The following C1orf21 variants were observed in gnomAD, a reference collection of about 807,000 sequenced individuals.
The protein encoded by C1orf21 is uncharacterized protein C1orf21.
A neutral mutation model predicts 18.7 loss-of-function variants in C1orf21; 3 were observed. The observed-to-expected ratio is 0.16, with a 90% confidence interval of 0.07 to 0.42. C1orf21 has a LOEUF of 0.42. Among genes scored for constraint, C1orf21 ranks in the 10% least tolerant of loss-of-function variants. The pLI is 0.99. For synonymous variants in C1orf21, 41 were observed against 46.4 expected, an observed-to-expected ratio of 0.88 and a Z score of 0.47; for missense variants, 104 against 143.6, an observed-to-expected ratio of 0.72 and a Z score of 1.41.
chr1:184,543,424 G>C (rs565833318), intron 3 of C1orf21, among the ~76,000 whole-genome samples: 5 of 152,124 alleles, frequency 3.3e-5, no homozygotes, highest in African/African-American at 1.2e-4. Context: ...TCACTTATTC[G>C]TCATGTACCA....
chr1:184,454,534 G>A (rs972258008), intron 1 of C1orf21, among the ~76,000 whole-genome samples: 2 of 152,136 alleles, frequency 1.3e-5, no homozygotes, highest in African/African-American at 4.8e-5. Flanking sequence ...TGATGTTGGA[G>A]GTGGGGCCTG....
chr1:184,439,532 CAG>C (rs1656912549), intron 1 of C1orf21, among the ~76,000 whole-genome samples: 1 of 151,966 alleles, frequency 6.6e-6, no homozygotes, highest in Non-Finnish European at 1.5e-5. Flanking sequence ...CCAGAGAAGT[CAG>C]AGAGAACATT....
intron 3 of C1orf21, among the ~76,000 whole-genome samples, chr1:184,557,194 G>A (rs948340877): frequency 1.3e-5 from 2 of 152,072 alleles, no homozygotes; most frequent in African/African-American, 2.4e-5. Context: ...TGCCATTATT[G>A]TTCTTGTAGT....
chr1:184,491,946 A>G (rs1368853513), intron 2 of C1orf21, among the ~76,000 whole-genome samples: 1 of 152,248 alleles, frequency 6.6e-6, no homozygotes, highest in East Asian at 1.9e-4. Flanking sequence ...TCTCTTAGGA[A>G]GAGAAGGAAT....
At chr1:184,559,535 CTT>C (rs1447863104) in intron 3 of C1orf21, among the ~76,000 whole-genome samples, 38 of 128,134 alleles carry the variant, frequency 3.0e-4, no homozygotes, top group East Asian at 7.1e-4. Context: ...TCCTTCCTTC[CTT>C]CCTTCCTTCC....
At chr1:184,426,856 T>C (rs1236254799) in intron 1 of C1orf21, among the ~76,000 whole-genome samples, 2 of 152,186 alleles carry the variant, frequency 1.3e-5, no homozygotes, top group East Asian at 1.9e-4. Context: ...CATCTGATGA[T>C]GGCTGGATAA....
chr1:184,483,652 A>G (rs963105292), intron 2 of C1orf21, among the ~76,000 whole-genome samples: 3 of 152,064 alleles, frequency 2.0e-5, no homozygotes, highest in Admixed American at 6.6e-5. Context: ...CCATCACCCC[A>G]AGAACTGCAG....
chr1:184,486,068 C>G (rs1040812786), intron 2 of C1orf21, among the ~76,000 whole-genome samples: 2 of 152,142 alleles, frequency 1.3e-5, no homozygotes, highest in East Asian at 1.9e-4. Flanking sequence ...CTTAATGGCT[C>G]GAAGTGCACA....
chr1:184,399,782 T>G (rs1656119909), intron 1 of C1orf21, among the ~76,000 whole-genome samples: 1 of 152,172 alleles, frequency 6.6e-6, no homozygotes, highest in South Asian at 2.1e-4. Context: ...TAAAAAACAT[T>G]GATGCTATTG....
intron 1 of C1orf21, among the ~76,000 whole-genome samples, chr1:184,395,815 G>A (rs1420281520): frequency 3.3e-5 from 5 of 152,066 alleles, no homozygotes; most frequent in African/African-American, 7.2e-5. Context: ...CCCCAACATC[G>A]AGGAGTCATA....
At chr1:184,593,549 T>C (rs776812508) in intron 4 of C1orf21, among the ~76,000 whole-genome samples, 8 of 152,206 alleles carry the variant, frequency 5.3e-5, no homozygotes, top group Non-Finnish European at 1.0e-4. Context: ...CATACCTTCA[T>C]TTAATGCTTT....
At chr1:184,521,382 G>T (rs1658304144) in intron 3 of C1orf21, among the ~76,000 whole-genome samples, 1 of 152,050 alleles carries the variant, frequency 6.6e-6, no homozygotes, top group South Asian at 2.1e-4. Context: ...AGCAACCAAG[G>T]TGTCCTTCAA....
chr1:184,601,133 G>C (rs1372194460), intron 5 of C1orf21, among the ~76,000 whole-genome samples: 1 of 152,156 alleles, frequency 6.6e-6, no homozygotes, highest in Non-Finnish European at 1.5e-5. Context: ...AACTCACCTA[G>C]AGCTTCATGT....
intron 1 of C1orf21, among the ~76,000 whole-genome samples, chr1:184,446,025 C>T (rs887071651): frequency 6.6e-6 from 1 of 152,118 alleles, no homozygotes; most frequent in African/African-American, 2.4e-5. Flanking sequence ...GGGAGATTAA[C>T]TCTTTAAACA....
chr1:184,529,010 A>G (rs1055194483), intron 3 of C1orf21, among the ~76,000 whole-genome samples: 4 of 152,162 alleles, frequency 2.6e-5, no homozygotes, highest in Non-Finnish European at 5.9e-5. Context: ...CACCAGCAGT[A>G]TATGGAGATT....
At position 184,564,734 on chromosome 1, in the gene C1orf21, A is replaced by T. The variant is rs1334268115; in HGVS notation, c.190-26005A>T. 2.0e-5 allele frequency among the ~76,000 whole-genome samples: 3 copies of T among 152,356 alleles called. No homozygotes were observed. In the East Asian group the frequency reaches 5.8e-4, roughly 29 times the overall value. ...CCCAAGAAAGCCAGTTATATGTAGA[A>T]TGAACCAGAGGCTCAGGAATTGCTA... On this transcript the variant is annotated intron_variant, in intron 3 of 5. Coordinates refer to ENST00000235307, the MANE Select transcript of C1orf21 (RefSeq NM_030806.4).
chr1:184,417,400 C>T (rs960091961), intron 1 of C1orf21, among the ~76,000 whole-genome samples: 19 of 152,138 alleles, frequency 1.2e-4, no homozygotes, highest in Admixed American at 2.0e-4. Flanking sequence ...AGAGTAGCTA[C>T]GGAATGCTTG....
chr1:184,583,200 G>A lies in C1orf21; in HGVS notation c.190-7539G>A, dbSNP rs917261441. Among the ~76,000 whole-genome samples, 3 of 152,170 alleles carry A rather than the reference G, an allele frequency of 2.0e-5. No individual in the cohort carries two copies. The East Asian group carries it at 5.8e-4, about 29-fold the overall frequency. On this transcript the variant is annotated intron_variant, in intron 3 of 5. Transcript: ENST00000235307. ...CTGTCCCTTTGGGAGATATCAAAGG[G>A]AATAAGGGATTGGGAAGCTCGCGAC...
At chr1:184,567,128 A>G in intron 3 of C1orf21, 1 of 473,026 alleles carries the variant, frequency 2.1e-6, no homozygotes, top group South Asian at 1.7e-5. Context: ...ACAGTCTCCA[A>G]CAGAGCCCTG....
Sources: allele counts gnomAD v4.1 joint callset (sites outside exome capture counted in the v4.1 genomes callset), GRCh38; gene constraint gnomAD v4.1.1; transcripts MANE v1.5; gene names NCBI Gene and HGNC (gene_info 2026-07-23, HGNC 2026-07-21).